The following RNF26 variants were observed in gnomAD, a reference collection of about 807,000 sequenced individuals.
RNF26 encodes E3 ubiquitin-protein ligase RNF26.
In RNF26, 8 loss-of-function variants were observed where a neutral mutation model predicts 25.4. That is an observed-to-expected ratio of 0.31 (90% CI 0.18 to 0.57). The LOEUF is 0.57. RNF26 is among the 20% of genes least tolerant of loss of function. RNF26 has a pLI of 0.90. For missense variants in RNF26, 470 were observed against 552.0 expected, an observed-to-expected ratio of 0.85 and a Z score of 1.49; for synonymous variants, 262 against 246.7, an observed-to-expected ratio of 1.06 and a Z score of -0.58.
At position 119,336,066 on chromosome 11, in the gene RNF26, T is replaced by C. The variant is rs781394481; in HGVS notation, c.944T>C (p.Met315Thr). 3.1e-6 allele frequency: 5 copies of C among 1,614,020 alleles called. No individual in the cohort carries two copies. In the Admixed American group the frequency reaches 8.3e-5, roughly 27 times the overall value. ...GAPGAPQGDP[M>T]RVFSVRTRRQ... The stretch of plus-strand genomic sequence containing the variant: ...CCTGGAGCTCCCCAGGGTGACCCTA[T>C]GAGGGTATTCTCAGTTAGGACCCGG... The change falls in exon 1 of 1, where the codon ATG (methionine) becomes ACG (threonine). Residue 315 changes from methionine (M) to threonine (T), a missense_variant. By Grantham distance (81) the Met-to-Thr change is moderately conservative. Coordinates refer to ENST00000311413, the MANE Select transcript of RNF26 (RefSeq NM_032015.5).
Position 119,336,457 on chromosome 11 carries a change from C to T in RNF26, c.*33C>T. 4 of 1,574,552 alleles carry T rather than the reference C, an allele frequency of 2.5e-6. No individual in the cohort carries two copies. Among genetic ancestry groups the T allele is most frequent in the Non-Finnish European group, 3.5e-6 (4 of 1,152,340 alleles). ...TTCCCTGCCTGCCCACCCCTCCATG[C>T]TCCACGCAGGCACTCACGCTAGGAC... On this transcript the variant is annotated 3_prime_UTR_variant, in exon 1 of 1. Coordinates refer to ENST00000311413, the MANE Select transcript of RNF26 (RefSeq NM_032015.5).
chr11:119,335,831 G>GT lies in RNF26; in HGVS notation c.710dup (p.Leu238AlafsTer76). 6.2e-7 allele frequency: 1 copy of GT among 1,611,812 alleles called. No individual in the cohort carries two copies. Among genetic ancestry groups the GT allele is most frequent in the Non-Finnish European group, 8.5e-7 (1 of 1,180,016 alleles). On this transcript the variant is annotated frameshift_variant, in exon 1 of 1. Coordinates refer to ENST00000311413, the MANE Select transcript of RNF26 (RefSeq NM_032015.5). LOFTEE classifies it high-confidence loss of function. ...CACTGGCTTGGTGTTGCTAGCTTGTGTGCTGGCAGTGACGGTGACTGTGTT... is the reference window on the plus strand; with the variant it reads ...CACTGGCTTGGTGTTGCTAGCTTGTGTTGCTGGCAGTGACGGTGACTGTGTT...
At position 119,335,007 on chromosome 11, in the gene RNF26, G is replaced by A. The variant is rs902899476; in HGVS notation, c.-116G>A. On this transcript the variant is annotated 5_prime_UTR_variant, in exon 1 of 1. The change creates a premature stop within an existing upstream ORF in the 5' untranslated region. Coordinates refer to ENST00000311413, the MANE Select transcript of RNF26 (RefSeq NM_032015.5). ...CAGATTCTTGGTACCCCCTGGGTTGGAGACTGCTCATTTTCCTTCCAAATT... is the reference window on the plus strand; with the variant it reads ...CAGATTCTTGGTACCCCCTGGGTTGAAGACTGCTCATTTTCCTTCCAAATT... 4 of 767,652 alleles carry A rather than the reference G, an allele frequency of 5.2e-6. No individual in the cohort carries two copies. Among genetic ancestry groups the A allele is most frequent in the Non-Finnish European group, 8.5e-6 (4 of 468,216 alleles). The allele number at this position is 767,652 out of a possible 1,614,324, so 47.6% of individuals were successfully genotyped here.
At position 119,335,506 on chromosome 11, in the gene RNF26, T is replaced by C; in HGVS notation, c.384T>C (p.Ala128=). 6.2e-7 allele frequency: 1 copy of C among 1,613,788 alleles called. No individual in the cohort carries two copies. Among genetic ancestry groups the C allele is most frequent in the Middle Eastern group, 1.6e-4 (1 of 6,062 alleles). ...TCAATGTGGTCTCCAGTGGCCATGC[T>C]TTGCTGCGCCAGGCCTGTGACATCT... The part of the protein sequence containing the change: ...GVLNVVSSGH[A]LLRQACDICA... Residue 128 remains alanine (A), a synonymous_variant, in exon 1 of 1, where the codon GCT becomes GCC. Transcript: ENST00000311413.
Position 119,335,693 on chromosome 11 carries a change from A to G in RNF26, c.571A>G (p.Ile191Val). ...CGTAGTGGCTGCCTTCCTAGCCCAC[A>G]TTTCCAGCAGTGCTGTGGCCATGGC... ...TDVVAAFLAHISSSAVAMAIL... is the reference protein window; with the variant it reads ...TDVVAAFLAHVSSSAVAMAIL... The change falls in exon 1 of 1, where the codon ATT (isoleucine) becomes GTT (valine). Residue 191 changes from isoleucine to valine, a missense_variant. Ile to Val is a conservative substitution (Grantham distance 29, BLOSUM62 3). Coordinates refer to ENST00000311413, the MANE Select transcript of RNF26 (RefSeq NM_032015.5). 1.2e-6 allele frequency: 2 copies of G among 1,614,144 alleles called. No homozygotes were observed. The highest frequency in any genetic ancestry group is 1.6e-4 in the Middle Eastern group (1 of 6,062).
Position 119,336,445 on chromosome 11 carries a change from C to T in RNF26, c.*21C>T, listed in dbSNP as rs1395155495. On this transcript the variant is annotated 3_prime_UTR_variant, in exon 1 of 1. Coordinates refer to ENST00000311413, the MANE Select transcript of RNF26 (RefSeq NM_032015.5). ...TCTGAAGCCTCCTTCCCTGCCTGCC[C>T]ACCCCTCCATGCTCCACGCAGGCAC... is the stretch of plus-strand genomic sequence containing the variant. The T allele has an allele frequency of 6.3e-7, 1 of 1,594,726 alleles. No individual in the cohort carries two copies. The highest frequency in any genetic ancestry group is 8.6e-7 in the Non-Finnish European group (1 of 1,168,330).
rs1950433596 is a variant in RNF26 at position 119,335,298 on chromosome 11, G to T, written c.176G>T (p.Arg59Leu). The T allele has an allele frequency of 4.3e-6, 7 of 1,614,066 alleles. No individual in the cohort carries two copies. Among genetic ancestry groups the T allele is most frequent in the Non-Finnish European group, 5.9e-6 (7 of 1,180,042 alleles). Residue 59 changes from arginine to leucine, a missense_variant, in exon 1 of 1, where the codon CGC becomes CTC. Coordinates refer to ENST00000311413, the MANE Select transcript of RNF26 (RefSeq NM_032015.5). ...TVLTSLLHLG[R>L]GVLLSLLALI... ...CTGACTAGTCTTCTGCACTTGGGCC[G>T]CGGAGTCTTGCTTTCATTGCTGGCC...
At position 119,334,649 on chromosome 11, in the gene RNF26, G is replaced by A; in HGVS notation, c.-474G>A. 1 of 169,096 alleles carries A rather than the reference G, an allele frequency of 5.9e-6. No individual in the cohort carries two copies. 10.5% of individuals were successfully genotyped at this position (169,096 alleles called of 1,614,324 possible). A position where few individuals can be genotyped will look rare whatever the true frequency, so the allele number is the denominator to read the frequency against. ...AGCGGGAAGACGGGGGCCGGGCGGG[G>A]ACAGGGGCACCTGCGTAGCTGGACT... is the stretch of plus-strand genomic sequence containing the variant. On this transcript the variant is annotated 5_prime_UTR_variant, in exon 1 of 1. Transcript: ENST00000311413.
In RNF26 at chr11:119,334,889, A is replaced by G. The variant is rs1165904791; in HGVS notation, c.-234A>G. 1.7e-6 allele frequency: 1 copy of G among 582,478 alleles called. No homozygotes were observed. Among genetic ancestry groups the G allele is most frequent in the African/African-American group, 1.9e-5 (1 of 53,544 alleles). 36.1% of individuals were successfully genotyped at this position (582,478 alleles called of 1,614,324 possible). A position where few individuals can be genotyped will look rare whatever the true frequency, so the allele number is the denominator to read the frequency against. On this transcript the variant is annotated 5_prime_UTR_variant, in exon 1 of 1. Transcript: ENST00000311413. ...GAGATGTTTGGCCTCTTCCCTCCCA[A>G]ACAGCCCATCTTCAAAACCTGGACT...
chr11:119,335,634 A>T lies in RNF26; in HGVS notation c.512A>T (p.Asp171Val). 1 of 1,613,284 alleles carries T rather than the reference A, an allele frequency of 6.2e-7. No individual in the cohort carries two copies. The highest frequency in any genetic ancestry group is 8.5e-7 in the Non-Finnish European group (1 of 1,179,374). The change falls in exon 1 of 1, where the codon GAT (aspartate) becomes GTT (valine). Residue 171 changes from aspartate to valine, a missense_variant. Coordinates refer to ENST00000311413, the MANE Select transcript of RNF26 (RefSeq NM_032015.5). The stretch of plus-strand genomic sequence containing the variant: ...TTTTCCCTGGTGCTGGCCCTGTGGG[A>T]TGCAGTGACCGGGCCTCTGTGGAGG... ...NLFSLVLALW[D>V]AVTGPLWRMT... is the part of the protein sequence containing the mutation.
In RNF26 at chr11:119,334,716, G is replaced by A. The variant is rs1429057952; in HGVS notation, c.-407G>A. 2.4e-5 allele frequency: 5 copies of A among 212,472 alleles called. No homozygotes were observed. The highest frequency in any genetic ancestry group is 4.8e-5 in the Non-Finnish European group (5 of 103,646). The allele number at this position is 212,472 out of a possible 1,614,324, so 13.2% of individuals were successfully genotyped here. ...CTTACATCGACCCCACCCGGCCCCGGCCCGACCCGACGCGACCCGATCCGA... is the reference window on the plus strand; with the variant it reads ...CTTACATCGACCCCACCCGGCCCCGACCCGACCCGACGCGACCCGATCCGA... On this transcript the variant is annotated 5_prime_UTR_variant, in exon 1 of 1. Coordinates refer to ENST00000311413, the MANE Select transcript of RNF26 (RefSeq NM_032015.5).
Position 119,335,318 on chromosome 11 carries a change from C to T in RNF26, c.196C>T (p.Leu66=), listed in dbSNP as rs764564386. The T allele has an allele frequency of 7.4e-6, 12 of 1,614,220 alleles. No individual in the cohort carries two copies. Among genetic ancestry groups the T allele is most frequent in the South Asian group, 3.3e-5 (3 of 91,088 alleles). The change falls in exon 1 of 1, where the codon CTG becomes TTG. Residue 66 remains leucine (L), a synonymous_variant. Coordinates refer to ENST00000311413, the MANE Select transcript of RNF26 (RefSeq NM_032015.5). ...GGGCCGCGGAGTCTTGCTTTCATTG[C>T]TGGCCTTGATCGAAGCCGTGGTCCG... ...HLGRGVLLSL[L]ALIEAVVRFT...
Position 119,335,434 on chromosome 11 carries a change from C to T in RNF26, c.312C>T (p.Ala104=). The change falls in exon 1 of 1, where the codon GCC becomes GCT. Residue 104 remains alanine, a synonymous_variant. Coordinates refer to ENST00000311413, the MANE Select transcript of RNF26 (RefSeq NM_032015.5). ...LESLKLLGHL[A]SHGALRSREI... ...GCCTAAAGCTCCTGGGGCACCTGGC[C>T]TCTCATGGGGCACTGCGGAGCAGGG... is the stretch of plus-strand genomic sequence containing the variant. 2.5e-6 allele frequency: 4 copies of T among 1,613,968 alleles called. No homozygotes were observed. The highest frequency in any genetic ancestry group is 2.5e-6 in the Non-Finnish European group (3 of 1,179,910).
At position 119,335,046 on chromosome 11, in the gene RNF26, C is replaced by T; in HGVS notation, c.-77C>T. On this transcript the variant is annotated 5_prime_UTR_variant, in exon 1 of 1. Coordinates refer to ENST00000311413, the MANE Select transcript of RNF26 (RefSeq NM_032015.5). ...TCCTTCCAAATTAATCCCAGACCCC[C>T]TAAAATATTGACAACCTTGACAACC... 1 of 1,201,008 alleles carries T rather than the reference C, an allele frequency of 8.3e-7. No homozygotes were observed. Among genetic ancestry groups the T allele is most frequent in the Non-Finnish European group, 1.2e-6 (1 of 834,406 alleles). The allele number at this position is 1,201,008 out of a possible 1,614,324, so 74.4% of individuals were successfully genotyped here. A position where few individuals can be genotyped will look rare whatever the true frequency, so the allele number is the denominator to read the frequency against.
Position 119,335,043 on chromosome 11 carries a change from C to A in RNF26, c.-80C>A. ...TTTTCCTTCCAAATTAATCCCAGACCCCCTAAAATATTGACAACCTTGACA... is the reference window on the plus strand; with the variant it reads ...TTTTCCTTCCAAATTAATCCCAGACACCCTAAAATATTGACAACCTTGACA... On this transcript the variant is annotated 5_prime_UTR_variant, in exon 1 of 1. Transcript: ENST00000311413. 2 of 1,095,406 alleles carry A rather than the reference C, an allele frequency of 1.8e-6. No individual in the cohort carries two copies. The highest frequency in any genetic ancestry group is 2.1e-5 in the Admixed American group (1 of 47,510). 67.9% of individuals were successfully genotyped at this position (1,095,406 alleles called of 1,614,324 possible).
At position 119,334,819 on chromosome 11, in the gene RNF26, C is replaced by A; in HGVS notation, c.-304C>A. The A allele has an allele frequency of 4.5e-6, 2 of 440,648 alleles. No individual in the cohort carries two copies. The highest frequency in any genetic ancestry group is 8.2e-6 in the Non-Finnish European group (2 of 243,090). 27.3% of individuals were successfully genotyped at this position (440,648 alleles called of 1,614,324 possible). The stretch of plus-strand genomic sequence containing the variant: ...GGCCGTGGTTCGCCACACCAGGCAT[C>A]CAAAGCTGAGGTCGCTCCTACGGCC... On this transcript the variant is annotated 5_prime_UTR_variant, in exon 1 of 1. Coordinates refer to ENST00000311413, the MANE Select transcript of RNF26 (RefSeq NM_032015.5).
chr11:119,335,440 T>C lies in RNF26; in HGVS notation c.318T>C (p.His106=). ...SLKLLGHLAS[H]GALRSREILH... is the part of the protein sequence containing the mutation. Reference sequence around the variant, plus strand: ...AGCTCCTGGGGCACCTGGCCTCTCATGGGGCACTGCGGAGCAGGGAGATAC... The same window carrying C: ...AGCTCCTGGGGCACCTGGCCTCTCACGGGGCACTGCGGAGCAGGGAGATAC... The change falls in exon 1 of 1, where the codon CAT becomes CAC. Residue 106 remains histidine (H), a synonymous_variant. Coordinates refer to ENST00000311413, the MANE Select transcript of RNF26 (RefSeq NM_032015.5). 2 of 1,613,876 alleles carry C rather than the reference T, an allele frequency of 1.2e-6. No individual in the cohort carries two copies. The highest frequency in any genetic ancestry group is 2.2e-5 in the South Asian group (2 of 91,080).
Position 119,335,536 on chromosome 11 carries a change from C to G in RNF26, c.414C>G (p.Ala138=). The G allele has an allele frequency of 6.2e-7, 1 of 1,614,028 alleles. No homozygotes were observed. Among genetic ancestry groups the G allele is most frequent in the Non-Finnish European group, 8.5e-7 (1 of 1,179,966 alleles). ...ALLRQACDIC[A]IAMSLVAYVI... is the part of the protein sequence containing the mutation. ...TGCGCCAGGCCTGTGACATCTGTGC[C>G]ATTGCCATGAGCCTGGTGGCTTATG... Residue 138 remains alanine, a synonymous_variant, in exon 1 of 1, where the codon GCC becomes GCG. Transcript: ENST00000311413.
Position 119,336,418 on chromosome 11 carries a change from C to T in RNF26, c.1296C>T (p.Tyr432=), listed in dbSNP as rs1339757380. 1 of 1,607,172 alleles carries T rather than the reference C, an allele frequency of 6.2e-7. No homozygotes were observed. Among genetic ancestry groups the T allele is most frequent in the Admixed American group, 1.7e-5 (1 of 59,878 alleles). ...GCATCCTGCAGACCCTCAATGTCTA[C>T]CTCTGAAGCCTCCTTCCCTGCCTGC... ...RRGILQTLNV[Y]L Residue 432 remains tyrosine, a synonymous_variant, in exon 1 of 1, where the codon TAC becomes TAT. Coordinates refer to ENST00000311413, the MANE Select transcript of RNF26 (RefSeq NM_032015.5).
Sources: allele counts gnomAD v4.1 joint callset, GRCh38; gene constraint gnomAD v4.1.1; transcripts MANE v1.5; gene names NCBI Gene and HGNC (gene_info 2026-07-23, HGNC 2026-07-21).